The following LDB2 variants were observed in gnomAD, a reference collection of about 807,000 sequenced individuals.
LDB2 encodes LIM domain-binding protein 2.
A neutral mutation model predicts 44.3 loss-of-function variants in LDB2; 12 were observed. That is an observed-to-expected ratio of 0.27 (90% confidence interval 0.17 to 0.44). LDB2 has a LOEUF of 0.44. Among genes scored for constraint, LDB2 ranks in the 20% least tolerant of loss-of-function variants. The pLI is 1.00. For synonymous variants in LDB2, 164 were observed against 174.8 expected, an observed-to-expected ratio of 0.94 and a Z score of 0.49; for missense variants, 344 against 473.5, an observed-to-expected ratio of 0.73 and a Z score of 2.54.
intron 5 of LDB2, among the ~76,000 whole-genome samples, chr4:16,576,536 G>A (rs1711665512): frequency 6.6e-6 from 1 of 152,054 alleles, no homozygotes; most frequent in South Asian, 2.1e-4. Flanking sequence ...GAAACATGAA[G>A]AAATCCAAAA....
intron 1 of LDB2, among the ~76,000 whole-genome samples, chr4:16,781,579 G>A (rs1231375057): frequency 6.6e-6 from 1 of 152,110 alleles, no homozygotes; most frequent in African/African-American, 2.4e-5. Flanking sequence ...ATACTCTGAT[G>A]CACCCAAATG....
intron 2 of LDB2, among the ~76,000 whole-genome samples, chr4:16,734,680 G>A (rs920826161): frequency 7.3e-5 from 11 of 150,184 alleles, no homozygotes; most frequent in Admixed American, 6.7e-4. Context: ...AAGAGCTGCT[G>A]CTGCTTCCCA....
intron 5 of LDB2, among the ~76,000 whole-genome samples, chr4:16,567,695 G>C (rs1489017333): frequency 6.6e-6 from 1 of 152,156 alleles, no homozygotes; most frequent in Admixed American, 6.5e-5. Context: ...GCGTGAACCC[G>C]GGAGGCGAAG....
chr4:16,778,283 A>T (rs993438133), intron 1 of LDB2, among the ~76,000 whole-genome samples: 22 of 152,128 alleles, frequency 1.4e-4, no homozygotes, highest in African/African-American at 4.8e-4. Flanking sequence ...CAACACACAC[A>T]CACAATCATA....
At chr4:16,746,274 A>G (rs914531644) in intron 2 of LDB2, among the ~76,000 whole-genome samples, 1 of 152,238 alleles carries the variant, frequency 6.6e-6, no homozygotes, top group African/African-American at 2.4e-5. Context: ...GTAAGTCATT[A>G]TTGAACATAT....
At chr4:16,766,470 G>GTGTGTGTATATATATACACACACATATA (rs1769274005) in intron 1 of LDB2, among the ~76,000 whole-genome samples, 100 of 70,104 alleles carry the variant, frequency 1.4e-3, no homozygotes, top group African/African-American at 6.1e-3. Flanking sequence ...ACACATATAT[G>GTGTGTGTATATATATACACACACATATA]TGTGTGTGTG....
At chr4:16,757,001 T>C (rs950480652) in intron 2 of LDB2, among the ~76,000 whole-genome samples, 2 of 152,024 alleles carry the variant, frequency 1.3e-5, no homozygotes, top group African/African-American at 4.8e-5. Context: ...AAATCTTATT[T>C]TCCTCATCAG....
chr4:16,705,845 T>G (rs1754486116), intron 2 of LDB2, among the ~76,000 whole-genome samples: 1 of 152,174 alleles, frequency 6.6e-6, no homozygotes, highest in East Asian at 1.9e-4. Flanking sequence ...TTTGTTAGTC[T>G]AGTCCCCTCT....
chr4:16,633,242 A>G (rs1732532378), intron 2 of LDB2, among the ~76,000 whole-genome samples: 1 of 152,168 alleles, frequency 6.6e-6, no homozygotes, highest in Admixed American at 6.5e-5. Context: ...AACAATGAGA[A>G]CACTTGCACA....
chr4:16,510,186 A>C (rs1301952777), intron 6 of LDB2, among the ~76,000 whole-genome samples: 1 of 152,128 alleles, frequency 6.6e-6, no homozygotes, highest in Non-Finnish European at 1.5e-5. Flanking sequence ...AATGGGAAGG[A>C]TCTTCCTCTA....
chr4:16,690,531 A>G (rs1318189191), intron 2 of LDB2, among the ~76,000 whole-genome samples: 16 of 15,634 alleles, frequency 1.0e-3, no homozygotes, highest in African/African-American at 2.7e-3. Flanking sequence ...GGAGGGAGGG[A>G]GGGAGGGAGG....
At chr4:16,877,151 G>A (rs927112690) in intron 1 of LDB2, among the ~76,000 whole-genome samples, 7 of 152,088 alleles carry the variant, frequency 4.6e-5, no homozygotes, top group South Asian at 2.1e-4. Flanking sequence ...GATATGGTTC[G>A]AAAAAGAAAA....
At chr4:16,628,325 C>CCCCAAGCTCCCAAACCCCA in intron 2 of LDB2, among the ~76,000 whole-genome samples, 2 of 152,264 alleles carry the variant, frequency 1.3e-5, no homozygotes, top group Admixed American at 1.3e-4. Flanking sequence ...AAGCTCCCAA[C>CCCCAAGCTCCCAAACCCCA]AGGATGGATT....
chr4:16,545,339 G>T (rs1161224967), intron 5 of LDB2, among the ~76,000 whole-genome samples: 1 of 152,110 alleles, frequency 6.6e-6, no homozygotes, highest in Non-Finnish European at 1.5e-5. Flanking sequence ...ACCCCACGAT[G>T]CATGCAAAGA....
At chr4:16,744,163 G>T (rs1326189466) in intron 2 of LDB2, among the ~76,000 whole-genome samples, 1 of 152,068 alleles carries the variant, frequency 6.6e-6, no homozygotes, top group Non-Finnish European at 1.5e-5. Flanking sequence ...TTGTTTGTTT[G>T]TTTGTTTGTT....
At chr4:16,574,498 A>G (rs946574874) in intron 5 of LDB2, among the ~76,000 whole-genome samples, 1 of 152,178 alleles carries the variant, frequency 6.6e-6, no homozygotes, top group Non-Finnish European at 1.5e-5. Flanking sequence ...AGCCGCAACC[A>G]ATGTATGGAC....
chr4:16,736,531 A>T (rs761198547), intron 2 of LDB2, among the ~76,000 whole-genome samples: 4 of 152,342 alleles, frequency 2.6e-5, no homozygotes, highest in Non-Finnish European at 4.4e-5. Context: ...TAATGGCTTT[A>T]CTAGAAAACA....
At chr4:16,868,662 G>A (rs796835080) in intron 1 of LDB2, among the ~76,000 whole-genome samples, 5 of 152,370 alleles carry the variant, frequency 3.3e-5, no homozygotes, top group African/African-American at 1.2e-4. Flanking sequence ...GAAGACTGAA[G>A]TGATTGCAAC....
At chr4:16,523,032 A>G (rs1186549123) in intron 5 of LDB2, among the ~76,000 whole-genome samples, 3 of 152,256 alleles carry the variant, frequency 2.0e-5, no homozygotes, top group Non-Finnish European at 4.4e-5. Flanking sequence ...GAATTACTCT[A>G]AATGGCCTCA....
Sources: allele counts gnomAD v4.1 joint callset (sites outside exome capture counted in the v4.1 genomes callset), GRCh38; gene constraint gnomAD v4.1.1; transcripts MANE v1.5; gene names NCBI Gene and HGNC (gene_info 2026-07-23, HGNC 2026-07-21).